Variants in ANKRD17 observed in about 807,000 individuals in gnomAD.
ANKRD17 encodes ankyrin repeat domain 17, also known as ankyrin repeat domain-containing protein 17.
Under a neutral mutation model 229.7 loss-of-function variants are expected in ANKRD17, and 19 were observed. That is an observed-to-expected ratio of 0.08 (90% CI 0.06 to 0.12). The LOEUF is 0.12. Ranked by LOEUF, ANKRD17 falls within the 10% of genes least tolerant of loss-of-function variation. ANKRD17 has a pLI of 1.00. For missense variants in ANKRD17, 2,176 were observed against 3,176.8 expected, an observed-to-expected ratio of 0.68 and a Z score of 7.57; for synonymous variants, 1,112 against 1,146.1, an observed-to-expected ratio of 0.97 and a Z score of 0.60.
chr4:73,140,290 G>GA lies in ANKRD17; in HGVS notation c.2333-8dup, dbSNP rs1560581917. On this transcript the variant is annotated splice_region_variant and splice_polypyrimidine_tract_variant and intron_variant, in intron 14 of 33. Coordinates refer to ENST00000358602, the MANE Select transcript of ANKRD17 (RefSeq NM_032217.5). Reference sequence around the variant, plus strand: ...GACTTTTGTTTAGAAGCAGCTGTGTGAAAAAGAAACCCCCTCAGAAGTGCA... The same window carrying GA: ...GACTTTTGTTTAGAAGCAGCTGTGTGAAAAAAGAAACCCCCTCAGAAGTGCA... 1.9e-6 allele frequency: 3 copies of GA among 1,572,842 alleles called. No homozygotes were observed. Among genetic ancestry groups the GA allele is most frequent in the Non-Finnish European group, 2.6e-6 (3 of 1,166,332 alleles).
Position 73,215,503 on chromosome 4 carries a change from C to T in ANKRD17, c.394-37970G>A, listed in dbSNP as rs145362349. Among the ~76,000 whole-genome samples, 5 of 152,280 alleles carry T rather than the reference C, an allele frequency of 3.3e-5. No individual in the cohort carries two copies. The South Asian group carries it at 8.3e-4, about 25-fold the overall frequency. On this transcript the variant is annotated intron_variant, in intron 1 of 33. Coordinates refer to ENST00000358602, the MANE Select transcript of ANKRD17 (RefSeq NM_032217.5). ...TTGATCTCTTGACCTTGTGATCCAC[C>T]CATCTCAGCCTCCCAAAGTGCTGGG...
intron 1 of ANKRD17, among the ~76,000 whole-genome samples, chr4:73,215,039 T>C (rs1740825123): frequency 6.6e-6 from 1 of 152,160 alleles, no homozygotes; most frequent in South Asian, 2.1e-4. Flanking sequence ...TAGAATACCA[T>C]CTTTTCTTAA....
chr4:73,147,018 T>A, intron 9 of ANKRD17, 145 bp from the exon 10 acceptor site: 1 of 800,124 alleles, frequency 1.2e-6, no homozygotes, highest in Non-Finnish European at 1.9e-6. Context: ...CAGAGAATAT[T>A]GTAGGCATTA....
intron 1 of ANKRD17, among the ~76,000 whole-genome samples, chr4:73,253,041 TGA>T (rs1745167811): frequency 6.6e-6 from 1 of 152,002 alleles, no homozygotes; most frequent in South Asian, 2.1e-4. Flanking sequence ...TGTGAATGAG[TGA>T]GAGAATAAAT....
intron 1 of ANKRD17, among the ~76,000 whole-genome samples, chr4:73,187,483 A>C (rs1736452674): frequency 6.6e-6 from 1 of 152,198 alleles, no homozygotes; most frequent in Non-Finnish European, 1.5e-5. Context: ...CTGTAACAGG[A>C]AATATCCTCT....
At chr4:73,114,418 TA>T (rs918050878) in intron 23 of ANKRD17, among the ~76,000 whole-genome samples, 7 of 151,382 alleles carry the variant, frequency 4.6e-5, no homozygotes, top group African/African-American at 1.7e-4. Context: ...TTTAGGACAG[TA>T]AAACACTACT....
At chr4:73,093,176 A>G (rs994888539) in intron 28 of ANKRD17, among the ~76,000 whole-genome samples, 3 of 152,208 alleles carry the variant, frequency 2.0e-5, no homozygotes, top group South Asian at 2.1e-4. Flanking sequence ...ATACAAACTT[A>G]TATCTGCCAT....
intron 1 of ANKRD17, among the ~76,000 whole-genome samples, chr4:73,245,119 GT>G (rs1744378771): frequency 6.6e-6 from 1 of 152,162 alleles, no homozygotes; most frequent in Non-Finnish European, 1.5e-5. Context: ...AGCTGCTTCT[GT>G]GCTCTAAATA....
intron 1 of ANKRD17, among the ~76,000 whole-genome samples, chr4:73,251,318 C>A (rs958561904): frequency 3.3e-5 from 5 of 151,994 alleles, no homozygotes; most frequent in Admixed American, 6.6e-5. Context: ...CTATATTGTC[C>A]CACAACTCTA....
intron 16 of ANKRD17, among the ~76,000 whole-genome samples, chr4:73,128,590 G>A (rs139634819): frequency 1.3e-5 from 2 of 152,088 alleles, no homozygotes; most frequent in African/African-American, 4.8e-5. Flanking sequence ...TATATTCAAA[G>A]CACTCTACTA....
At chr4:73,082,187 C>T (rs547866256) in intron 30 of ANKRD17, among the ~76,000 whole-genome samples, 2 of 145,776 alleles carry the variant, frequency 1.4e-5, no homozygotes, top group African/African-American at 5.1e-5. Flanking sequence ...GGGGGCCAAG[C>T]GTGGTGGCTC....
In ANKRD17 at chr4:73,177,370, G is replaced by C. The variant is rs1560659683; in HGVS notation, c.547+10C>G. On this transcript the variant is annotated intron_variant, in intron 2 of 33. Transcript: ENST00000358602. Reference sequence around the variant, plus strand: ...AACAAGGTAGACTTATTACTATGTAGAGTACATACCTGCAGCTTCTAGTAA... The same window carrying C: ...AACAAGGTAGACTTATTACTATGTACAGTACATACCTGCAGCTTCTAGTAA... The C allele has an allele frequency of 1.9e-6, 3 of 1,582,506 alleles. No individual in the cohort carries two copies. Among genetic ancestry groups the C allele is most frequent in the South Asian group, 1.2e-5 (1 of 85,380 alleles).
intron 1 of ANKRD17, among the ~76,000 whole-genome samples, chr4:73,217,812 A>T (rs1741283973): frequency 6.6e-6 from 1 of 152,218 alleles, no homozygotes; most frequent in Non-Finnish European, 1.5e-5. Context: ...GACTATGTGT[A>T]TAAGGTATAT....
intron 1 of ANKRD17, among the ~76,000 whole-genome samples, chr4:73,255,049 G>A (rs1255023391): frequency 6.6e-6 from 1 of 152,156 alleles, no homozygotes; most frequent in East Asian, 1.9e-4. Flanking sequence ...GTAAGATTTT[G>A]TGTCAAATAG....
chr4:73,131,954 G>T (rs1190112868), intron 16 of ANKRD17, among the ~76,000 whole-genome samples: 4 of 152,054 alleles, frequency 2.6e-5, no homozygotes, highest in Non-Finnish European at 5.9e-5. Context: ...TCACAGCACA[G>T]TATTATCACA....
chr4:73,091,348 T>C lies in ANKRD17; in HGVS notation c.6280A>G (p.Asn2094Asp). Residue 2094 changes from asparagine to aspartate, a missense_variant, in exon 29 of 34, where the codon AAC becomes GAC. Around this residue, in one of 18 missense-constraint regions of ANKRD17, gnomAD observed 424 missense variants for 454.0 expected, o/e 0.93. Transcript: ENST00000358602. ...VVETTNTRPP[N>D]SSSSSGSSSA... ...GAACTCCCAGAAGAACTGCTGCTGT[T>C]TGGAGGTCTAGTGTTTGTTGTTTCT... The C allele has an allele frequency of 6.2e-7, 1 of 1,614,104 alleles. No homozygotes were observed. The highest frequency in any genetic ancestry group is 1.3e-5 in the African/African-American group (1 of 75,044).
At position 73,074,471 on chromosome 4, in the gene ANKRD17, G is replaced by C. The variant is rs1364208374; in HGVS notation, c.*1760C>G. On this transcript the variant is annotated 3_prime_UTR_variant, in exon 34 of 34. Coordinates refer to ENST00000358602, the MANE Select transcript of ANKRD17 (RefSeq NM_032217.5). ...ATATTTATTTGTAGGCTGTCTTTTA[G>C]CTCTCCCTTTAAATTTGGGCATATT... 1 of 151,694 alleles carries C rather than the reference G, an allele frequency of 6.6e-6. No homozygotes were observed. Among genetic ancestry groups the C allele is most frequent in the Non-Finnish European group, 1.5e-5 (1 of 67,792 alleles). The allele number at this position is 151,694 out of a possible 1,614,324, so 9.4% of individuals were successfully genotyped here.
chr4:73,155,408 C>G (rs546060537), intron 5 of ANKRD17, among the ~76,000 whole-genome samples: 1 of 152,266 alleles, frequency 6.6e-6, no homozygotes, highest in Admixed American at 6.5e-5. Flanking sequence ...TTACTTTTAT[C>G]TTAAAGAATC....
chr4:73,097,371 T>A, intron 26 of ANKRD17, 99 bp from the exon 27 acceptor site: 1 of 1,041,102 alleles, frequency 9.6e-7, no homozygotes, highest in South Asian at 2.0e-5. Context: ...AATTTATTTT[T>A]AAATAACAAA....
Sources: gnomAD v4.1 joint callset for allele counts (sites outside exome capture counted in the v4.1 genomes callset) on GRCh38, gnomAD v4.1.1 for gene constraint, gnomAD v4.1.1 regional missense constraint, MANE v1.5 for transcripts, NCBI Gene and HGNC (gene_info 2026-07-23, HGNC 2026-07-21) for gene names.